The following ELAPOR1 variants were observed in gnomAD, a reference collection of about 807,000 sequenced individuals.
The protein encoded by ELAPOR1 is endosome-lysosome associated apoptosis and autophagy regulator 1.
A neutral mutation model predicts 119.7 loss-of-function variants in ELAPOR1; 77 were observed. That is an observed-to-expected ratio of 0.64 (90% CI 0.54 to 0.78). The LOEUF (loss-of-function observed/expected upper bound fraction) is 0.78, where lower values mean the gene tolerates loss of function less well. ELAPOR1 is among the 30% of genes least tolerant of loss of function. ELAPOR1 has a pLI of 0.00. For missense variants in ELAPOR1, 1,115 were observed against 1,270.4 expected, an observed-to-expected ratio of 0.88 and a Z score of 1.86; for synonymous variants, 481 against 487.2, an observed-to-expected ratio of 0.99 and a Z score of 0.17.
chr1:109,194,936 C>T (rs535831965), intron 15 of ELAPOR1, among the ~76,000 whole-genome samples: 49 of 151,234 alleles, frequency 3.2e-4, no homozygotes, highest in Admixed American at 5.3e-4. Context: ...GGAGAAACCC[C>T]GTCTCTACTA....
chr1:109,162,318 C>T (rs532539988), intron 2 of ELAPOR1, among the ~76,000 whole-genome samples: 1 of 151,914 alleles, frequency 6.6e-6, no homozygotes, highest in Admixed American at 6.6e-5. Flanking sequence ...CATACATTTT[C>T]ATTTTTGCCT....
intron 1 of ELAPOR1, among the ~76,000 whole-genome samples, chr1:109,114,960 C>T (rs1002516861): frequency 6.6e-6 from 1 of 152,264 alleles, no homozygotes; most frequent in Middle Eastern, 3.4e-3. Context: ...TGACAGTACA[C>T]GACTCACCTT....
At chr1:109,175,826 C>CAAAAAAAA (rs55824923) in intron 7 of ELAPOR1, among the ~76,000 whole-genome samples, 1 of 88,430 alleles carries the variant, frequency 1.1e-5, no homozygotes, top group African/African-American at 4.6e-5. Context: ...GACTCAGTCT[C>CAAAAAAAA]AAAAAAAAAA....
chr1:109,178,962 C>A (rs75160164), intron 7 of ELAPOR1, among the ~76,000 whole-genome samples: 204 of 134,070 alleles, frequency 1.5e-3, no homozygotes, highest in South Asian at 2.8e-3. Context: ...AATACTGTCT[C>A]AAAAAAAAAA....
chr1:109,191,430 G>A lies in ELAPOR1; in HGVS notation c.1504G>A (p.Glu502Lys), dbSNP rs1653427206. 6.2e-7 allele frequency: 1 copy of A among 1,614,128 alleles called. No homozygotes were observed. Among genetic ancestry groups the A allele is most frequent in the African/African-American group, 1.3e-5 (1 of 75,048 alleles). Residue 502 changes from glutamate to lysine, a missense_variant, in exon 12 of 22, where the codon GAG (glutamate) becomes AAG (lysine). By Grantham distance (56) the Glu-to-Lys change is moderately conservative. Coordinates refer to ENST00000369939, the MANE Select transcript of ELAPOR1 (RefSeq NM_020775.5). ...KEVARITFVF[E>K]TLCSVNCELY... The stretch of plus-strand genomic sequence containing the variant: ...GGTGGCCAGAATCACATTTGTCTTT[G>A]AGACCCTCTGTTCTGTGAACTGTGA...
chr1:109,189,344 T>A (rs985334268), intron 10 of ELAPOR1, 150 bp downstream of exon 10: 7 of 1,079,112 alleles, frequency 6.5e-6, no homozygotes, highest in Non-Finnish European at 9.4e-6. Context: ...CATGGACATA[T>A]GTTCTGCCAA....
Position 109,181,046 on chromosome 1 carries a change from C to T in ELAPOR1, c.953-3999C>T, listed in dbSNP as rs185946768. On this transcript the variant is annotated intron_variant, in intron 7 of 21. Coordinates refer to ENST00000369939, the MANE Select transcript of ELAPOR1 (RefSeq NM_020775.5). ...GTATAGTACTCTCCAATTGACAAAA[C>T]ATGATCTCATTTATTACCTATAGCA... Among the ~76,000 whole-genome samples, 75 of 152,282 alleles carry T rather than the reference C, an allele frequency of 4.9e-4. 1 individual carries two copies. Among genetic ancestry groups the T allele is most frequent in the Middle Eastern group, 3.4e-3 (1 of 294 alleles).
chr1:109,193,490 C>G (rs1653579811), intron 14 of ELAPOR1, among the ~76,000 whole-genome samples: 1 of 151,840 alleles, frequency 6.6e-6, no homozygotes, highest in Non-Finnish European at 1.5e-5. Flanking sequence ...GCACTCCAGC[C>G]TGGGTGACAG....
chr1:109,143,842 G>T (rs1215072671), intron 1 of ELAPOR1, among the ~76,000 whole-genome samples: 1 of 150,846 alleles, frequency 6.6e-6, no homozygotes, highest in Non-Finnish European at 1.5e-5. Context: ...GCTAATTTTT[G>T]TAGAGACAGG....
chr1:109,117,199 T>C (rs1288816312), intron 1 of ELAPOR1, among the ~76,000 whole-genome samples: 3 of 152,232 alleles, frequency 2.0e-5, no homozygotes, highest in East Asian at 1.9e-4. Flanking sequence ...GTGGGAGTTC[T>C]AGACTGCTGG....
chr1:109,151,144 G>T (rs1650508084), intron 1 of ELAPOR1, among the ~76,000 whole-genome samples: 1 of 152,130 alleles, frequency 6.6e-6, no homozygotes, highest in African/African-American at 2.4e-5. Flanking sequence ...ACAGAAGAAT[G>T]AGTTTTGAAA....
intron 7 of ELAPOR1, among the ~76,000 whole-genome samples, chr1:109,174,873 G>A (rs34280429): frequency 0.14 from 21,202 of 152,090 alleles, 1,659 homozygotes; most frequent in Middle Eastern, 0.23. Flanking sequence ...CCGCCACTGC[G>A]CCCGGCTAAT....
intron 15 of ELAPOR1, among the ~76,000 whole-genome samples, chr1:109,197,233 G>A (rs556414930): frequency 3.2e-4 from 48 of 152,104 alleles, no homozygotes; most frequent in African/African-American, 1.0e-3. Context: ...GCTTTAGTGA[G>A]CTATGATTGC....
intron 15 of ELAPOR1, 71 bp downstream of exon 15, chr1:109,194,665 A>G: frequency 7.0e-7 from 1 of 1,435,960 alleles, no homozygotes; most frequent in Non-Finnish European, 9.7e-7. Flanking sequence ...AGAGACAGAC[A>G]CAGGAGAAAA....
intron 7 of ELAPOR1, among the ~76,000 whole-genome samples, chr1:109,175,905 T>C (rs1368377205): frequency 1.3e-5 from 2 of 151,784 alleles, no homozygotes; most frequent in East Asian, 3.9e-4. Context: ...AATTTATACA[T>C]TTTAACGTAT....
chr1:109,177,224 C>T (rs1410801762), intron 7 of ELAPOR1, among the ~76,000 whole-genome samples: 7 of 144,938 alleles, frequency 4.8e-5, no homozygotes, highest in South Asian at 2.2e-4. Context: ...GGCGGCTGGC[C>T]GGGCGGGGGG....
chr1:109,206,409 A>G lies in ELAPOR1; in HGVS notation c.*3397A>G. ...GTTGTTGGTAGAGGGAGTATGATAA[A>G]ATGTTTAAATCTCATTTGGTTACCT... is the stretch of plus-strand genomic sequence containing the variant. On this transcript the variant is annotated 3_prime_UTR_variant, in exon 22 of 22. Coordinates refer to ENST00000369939, the MANE Select transcript of ELAPOR1 (RefSeq NM_020775.5). 1 of 152,288 alleles carries G rather than the reference A, an allele frequency of 6.6e-6. No homozygotes were observed. Among genetic ancestry groups the G allele is most frequent in the Non-Finnish European group, 1.5e-5 (1 of 68,034 alleles). The allele number at this position is 152,288 out of a possible 1,614,324, so 9.4% of individuals were successfully genotyped here. A position where few individuals can be genotyped will look rare whatever the true frequency, so the allele number is the denominator to read the frequency against.
At chr1:109,120,312 G>A (rs1648311282) in intron 1 of ELAPOR1, among the ~76,000 whole-genome samples, 1 of 152,042 alleles carries the variant, frequency 6.6e-6, no homozygotes, top group Non-Finnish European at 1.5e-5. Context: ...CACGAGAATT[G>A]CTTGAACCCA....
chr1:109,185,923 C>T (rs1570707843), intron 8 of ELAPOR1, among the ~76,000 whole-genome samples: 3 of 152,114 alleles, frequency 2.0e-5, no homozygotes, highest in South Asian at 2.1e-4. Flanking sequence ...GTGCCAGGCA[C>T]GGTGCTAGGT....
Sources: allele counts gnomAD v4.1 joint callset (sites outside exome capture counted in the v4.1 genomes callset), GRCh38; gene constraint gnomAD v4.1.1; transcripts MANE v1.5; gene names NCBI Gene and HGNC (gene_info 2026-07-23, HGNC 2026-07-21).